Variants in NOL10 observed in about 807,000 individuals in gnomAD.
NOL10 encodes nucleolar protein 10.
Under a neutral mutation model 103.5 loss-of-function variants are expected in NOL10, and 58 were observed. That is an observed-to-expected ratio of 0.56 (90% CI 0.45 to 0.70). NOL10 has a LOEUF of 0.70. NOL10 is among the 30% of genes least tolerant of loss of function. NOL10 has a pLI of 0.00. For missense variants in NOL10, 763 were observed against 807.3 expected, an observed-to-expected ratio of 0.95 and a Z score of 0.67; for synonymous variants, 287 against 282.5, an observed-to-expected ratio of 1.02 and a Z score of -0.16.
chr2:10,575,250 G>A (rs1674394898), intron 20 of NOL10, among the ~76,000 whole-genome samples: 1 of 152,188 alleles, frequency 6.6e-6, no homozygotes, highest in Admixed American at 6.5e-5. Flanking sequence ...AATTTTAAAC[G>A]ACATTAAAGC....
chr2:10,655,378 C>T (rs147667593), intron 11 of NOL10, among the ~76,000 whole-genome samples: 2 of 152,218 alleles, frequency 1.3e-5, no homozygotes, highest in African/African-American at 4.8e-5. Flanking sequence ...GACAACACTG[C>T]CATGCCTGCA....
chr2:10,587,178 TACACATATATATACACATATATATAC>T (rs1558270533), intron 19 of NOL10, among the ~76,000 whole-genome samples: 1 of 52,696 alleles, frequency 1.9e-5, no homozygotes, highest in East Asian at 4.6e-4. Context: ...CACATATATA[TACACATATATATACACATATATATAC>T]ACATATATAT....
chr2:10,575,997 T>G (rs916046365), intron 20 of NOL10, among the ~76,000 whole-genome samples: 2 of 152,222 alleles, frequency 1.3e-5, no homozygotes, highest in Non-Finnish European at 2.9e-5. Context: ...ATGAAGTTTT[T>G]TATTACTTGG....
chr2:10,626,166 G>GT (rs1677452126), intron 13 of NOL10, among the ~76,000 whole-genome samples: 2 of 152,132 alleles, frequency 1.3e-5, no homozygotes, highest in Admixed American at 1.3e-4. Context: ...GGGAGACAGA[G>GT]TGAGACCCTG....
intron 12 of NOL10, among the ~76,000 whole-genome samples, chr2:10,646,471 C>T (rs140358689): frequency 3.4e-4 from 52 of 152,252 alleles, no homozygotes; most frequent in Admixed American, 1.1e-3. Context: ...CAACCACATA[C>T]GGCTAATGAT....
intron 13 of NOL10, among the ~76,000 whole-genome samples, chr2:10,637,207 A>AAAAAAAAAAAAAC (rs1678311250): frequency 6.6e-6 from 1 of 150,504 alleles, no homozygotes; most frequent in Non-Finnish European, 1.5e-5. Context: ...AAAAAAAAAA[A>AAAAAAAAAAAAAC]AAAAAACACA....
rs189576619 is a variant in NOL10 at position 10,638,957 on chromosome 2, C to T, written c.1026+5363G>A. ...AGTTGGGACTACAGGCACACACCAC[C>T]ACGCCTGGTTAATTTTTGTACTTTC... On this transcript the variant is annotated intron_variant, in intron 13 of 20. Coordinates refer to ENST00000381685, the MANE Select transcript of NOL10 (RefSeq NM_024894.4). Among the ~76,000 whole-genome samples the T allele has an allele frequency of 6.0e-3, 912 of 151,740 alleles. 13 individuals are homozygous for T. Among genetic ancestry groups the T allele is most frequent in the African/African-American group, 0.021 (874 of 41,426 alleles).
chr2:10,602,056 CTT>C (rs1307037263), intron 16 of NOL10, among the ~76,000 whole-genome samples: 2 of 152,250 alleles, frequency 1.3e-5, no homozygotes, highest in Non-Finnish European at 2.9e-5. Flanking sequence ...AACAGCAACT[CTT>C]TGTCCTGGAA....
At chr2:10,632,571 G>T (rs994448646) in intron 13 of NOL10, among the ~76,000 whole-genome samples, 1 of 152,110 alleles carries the variant, frequency 6.6e-6, no homozygotes, top group Non-Finnish European at 1.5e-5. Flanking sequence ...CAAAATAATT[G>T]TCTATAGACA....
intron 7 of NOL10, among the ~76,000 whole-genome samples, chr2:10,667,950 G>C (rs998651725): frequency 7.9e-5 from 12 of 152,052 alleles, no homozygotes; most frequent in Non-Finnish European, 8.8e-5. Context: ...AGCAATACGA[G>C]AAATTCAGCA....
intron 13 of NOL10, among the ~76,000 whole-genome samples, chr2:10,613,479 A>G (rs1676676642): frequency 6.6e-6 from 1 of 152,236 alleles, no homozygotes; most frequent in South Asian, 2.1e-4. Context: ...ATAGCTTTGC[A>G]AGGGGCACTT....
chr2:10,596,263 CGG>C (rs1245116295), intron 17 of NOL10, among the ~76,000 whole-genome samples: 2 of 30,592 alleles, frequency 6.5e-5, no homozygotes, highest in African/African-American at 1.5e-4. Flanking sequence ...TGGTGGGGGG[CGG>C]GGGGCGGGCG....
chr2:10,580,872 G>T (rs1473495723), intron 19 of NOL10, among the ~76,000 whole-genome samples: 5 of 152,078 alleles, frequency 3.3e-5, no homozygotes, highest in Admixed American at 3.3e-4. Flanking sequence ...AAATTGAGAA[G>T]AGTTAATTAA....
chr2:10,620,120 T>C (rs538812879), intron 13 of NOL10, among the ~76,000 whole-genome samples: 101 of 152,342 alleles, frequency 6.6e-4, no homozygotes, highest in African/African-American at 2.3e-3. Flanking sequence ...ATTTTATTCC[T>C]GCCAAGAGTT....
chr2:10,624,067 G>T (rs996850941), intron 13 of NOL10, among the ~76,000 whole-genome samples: 1 of 151,878 alleles, frequency 6.6e-6, no homozygotes, highest in Non-Finnish European at 1.5e-5. Context: ...TAAAATCCCT[G>T]TCTTCCTCTC....
At chr2:10,573,274 A>T (rs762113591) in intron 20 of NOL10, among the ~76,000 whole-genome samples, 18 of 151,910 alleles carry the variant, frequency 1.2e-4, no homozygotes, top group Non-Finnish European at 2.1e-4. Flanking sequence ...ACTCACTGCA[A>T]CCTCTGCCTC....
intron 19 of NOL10, among the ~76,000 whole-genome samples, chr2:10,580,178 T>C (rs1288212876): frequency 6.6e-6 from 1 of 152,328 alleles, no homozygotes; most frequent in African/African-American, 2.4e-5. Flanking sequence ...GCTTCTTGAG[T>C]GTGACTTCGG....
Position 10,571,850 on chromosome 2 carries a change from C to T in NOL10, c.*221G>A, listed in dbSNP as rs941894766. 1.3e-4 allele frequency: 54 copies of T among 422,264 alleles called. No individual in the cohort carries two copies. The East Asian group carries it at 1.6e-3, about 12-fold the overall frequency. 26.2% of individuals were successfully genotyped at this position (422,264 alleles called of 1,614,324 possible). The stretch of plus-strand genomic sequence containing the variant: ...AAAGGACAATGTTTCCAGGGAGCAA[C>T]GACTCGCAAGCACACCCCTGGGGCT... On this transcript the variant is annotated 3_prime_UTR_variant, in exon 21 of 21. Coordinates refer to ENST00000381685, the MANE Select transcript of NOL10 (RefSeq NM_024894.4).
chr2:10,689,677 G>T, intron 1 of NOL10, 119 bp downstream of exon 1: 1 of 1,022,592 alleles, frequency 9.8e-7, no homozygotes, highest in Non-Finnish European at 1.5e-6. Context: ...GCCTCCCCGA[G>T]TCGGGGGGTG....
Sources: allele counts gnomAD v4.1 joint callset (sites outside exome capture counted in the v4.1 genomes callset), GRCh38; gene constraint gnomAD v4.1.1; transcripts MANE v1.5; gene names NCBI Gene and HGNC (gene_info 2026-07-23, HGNC 2026-07-21).